DGKI: variants seen among roughly 807,000 people sequenced by gnomAD.
The protein encoded by DGKI is diacylglycerol kinase iota, also known as DAG kinase iota.
Under a neutral mutation model 147.5 loss-of-function variants are expected in DGKI, and 55 were observed. That is an observed-to-expected ratio of 0.37 (90% CI 0.30 to 0.47). The LOEUF is 0.47. Ranked by LOEUF, DGKI falls within the 20% of genes least tolerant of loss-of-function variation. The pLI is 1.00. For missense variants in DGKI, 1,007 were observed against 1,323.8 expected (o/e 0.76, Z 3.71); for synonymous variants, 469 against 477.1 (o/e 0.98, Z 0.22).
At chr7:137,434,697 GAACA>G (rs1299247836) in intron 28 of DGKI, among the ~76,000 whole-genome samples, 1 of 151,552 alleles carries the variant, frequency 6.6e-6, no homozygotes, top group Non-Finnish European at 1.5e-5. Context: ...AGAAAAACCA[GAACA>G]ATCAAAAGGA....
chr7:137,781,965 G>A (rs1796531018), intron 1 of DGKI, among the ~76,000 whole-genome samples: 2 of 152,160 alleles, frequency 1.3e-5, no homozygotes, highest in African/African-American at 4.8e-5. Flanking sequence ...TTAAGATGGT[G>A]GATAGGAGGC....
At chr7:137,585,403 T>C (rs1471008795) in intron 13 of DGKI, 57 bp from the exon 14 acceptor site, 9 of 1,571,634 alleles carry the variant, frequency 5.7e-6, no homozygotes, top group Admixed American at 1.9e-5. Context: ...GTGAAGCCAA[T>C]GCTATTTTAC....
intron 2 of DGKI, among the ~76,000 whole-genome samples, chr7:137,680,326 G>T (rs528146467): frequency 6.6e-6 from 1 of 152,310 alleles, no homozygotes; most frequent in East Asian, 1.9e-4. Flanking sequence ...CTGCCATTTT[G>T]TTATAGCAGC....
intron 27 of DGKI, chr7:137,453,209 T>C (rs1814045717): frequency 6.6e-6 from 1 of 152,220 alleles, no homozygotes; most frequent in Admixed American, 6.5e-5. Context: ...TGTGAAAGCA[T>C]GGCTGCAGAT....
chr7:137,635,593 T>C (rs73461041), intron 6 of DGKI, among the ~76,000 whole-genome samples: 8,315 of 152,258 alleles, frequency 0.055, 705 homozygotes, highest in African/African-American at 0.18. Flanking sequence ...GAAGCGGCCA[T>C]GTGACCATGA....
chr7:137,463,667 C>T lies in DGKI; in HGVS notation c.2613-56G>A, dbSNP rs1007411997. On this transcript the variant is annotated intron_variant, in intron 26 of 32. Transcript: ENST00000614521. ...ACATTCAAAGTCAGCCACGTGACTT[C>T]GTTTCCACTTTCTGAAGATGAATCT... 36 of 1,586,390 alleles carry T rather than the reference C, an allele frequency of 2.3e-5. No homozygotes were observed. The East Asian group carries it at 4.7e-4, about 21-fold the overall frequency.
chr7:137,732,343 G>C (rs969798997), intron 1 of DGKI, among the ~76,000 whole-genome samples: 8 of 152,028 alleles, frequency 5.3e-5, no homozygotes, highest in African/African-American at 1.9e-4. Flanking sequence ...TGCCTGATTT[G>C]CAATGCCTGA....
At position 137,381,434 on chromosome 7, in the gene DGKI, C is replaced by T. The variant is rs1811058531; in HGVS notation, c.*9786G>A. ...AGCTGGCAGCTTTGCAAAAGCATGG[C>T]TCTGGGATGTGATAGGGCAGAATCA... On this transcript the variant is annotated 3_prime_UTR_variant, in exon 33 of 33. Transcript: ENST00000614521. The T allele has an allele frequency of 6.6e-6, 1 of 151,358 alleles. No individual in the cohort carries two copies. Among genetic ancestry groups the T allele is most frequent in the Non-Finnish European group, 1.5e-5 (1 of 67,864 alleles). The allele number at this position is 151,358 out of a possible 1,614,324, so 9.4% of individuals were successfully genotyped here. A position where few individuals can be genotyped will look rare whatever the true frequency, so the allele number is the denominator to read the frequency against.
Position 137,540,164 on chromosome 7 carries a change from A to G in DGKI, c.2147+12205T>C, listed in dbSNP as rs117610387. On this transcript the variant is annotated intron_variant, in intron 20 of 32. Coordinates refer to ENST00000614521, the MANE Select transcript of DGKI (RefSeq NM_001321708.2). ...CATTGGTAAATTCTAACAAACATAT[A>G]AAGAACAAATAATACCCTAATCTTT... 8.1e-4 allele frequency among the ~76,000 whole-genome samples: 123 copies of G among 152,322 alleles called. 3 individuals carry two copies. In the East Asian group the frequency reaches 0.02, roughly 25 times the overall value.
rs1811229479 is a variant in DGKI, at chr7:137,388,019, A to G, written c.*3201T>C. The G allele has an allele frequency of 6.6e-6, 1 of 152,204 alleles. No individual in the cohort carries two copies. Among genetic ancestry groups the G allele is most frequent in the South Asian group, 2.1e-4 (1 of 4,826 alleles). 9.4% of individuals were successfully genotyped at this position (152,204 alleles called of 1,614,324 possible). A position where few individuals can be genotyped will look rare whatever the true frequency, so the allele number is the denominator to read the frequency against. ...TCTGAAAGGATAAGGAGCAACAGGT[A>G]TGTACGGCTCTCCATCAGTCATTAC... On this transcript the variant is annotated 3_prime_UTR_variant, in exon 33 of 33. Transcript: ENST00000614521.
chr7:137,567,264 C>CAA (rs3083517), intron 19 of DGKI, among the ~76,000 whole-genome samples: 1,431 of 124,650 alleles, frequency 0.011, 36 homozygotes, highest in African/African-American at 0.039. Flanking sequence ...AACTCCATCT[C>CAA]AAAAAAAAAA....
Position 137,603,697 on chromosome 7 carries a change from A to G in DGKI, c.1168-3792T>C, listed in dbSNP as rs559654404. Among the ~76,000 whole-genome samples, 12 of 152,320 alleles carry G rather than the reference A, an allele frequency of 7.9e-5. No individual in the cohort carries two copies. In the South Asian group the frequency reaches 2.5e-3, roughly 32 times the overall value. On this transcript the variant is annotated intron_variant, in intron 10 of 32. Transcript: ENST00000614521. ...GAGATTAGAAGGCGTTGTAAGTAAA[A>G]TATCTGAAATGTGTCTTGAAAAATG...
At chr7:137,476,689 C>A (rs1388287876) in intron 23 of DGKI, among the ~76,000 whole-genome samples, 3 of 152,204 alleles carry the variant, frequency 2.0e-5, no homozygotes, top group Non-Finnish European at 4.4e-5. Context: ...GCTGCATAAT[C>A]TAGCTCCTAC....
Position 137,466,030 on chromosome 7 carries a change from A to G in DGKI, c.2490T>C (p.His830=), listed in dbSNP as rs1471130533. The G allele has an allele frequency of 1.9e-6, 3 of 1,613,854 alleles. No homozygotes were observed. The highest frequency in any genetic ancestry group is 1.7e-6 in the Non-Finnish European group (2 of 1,179,798). The change falls in exon 26 of 33, where the codon CAT becomes CAC. Residue 830 remains histidine, a synonymous_variant. Transcript: ENST00000614521. ...RFYRIDRSQE[H]LHFVMEISQD... ...GGGAAATCTCCATCACAAAGTGCAAATGTTCCTAAAGAAGAACAAGAAGTC... is the reference window on the plus strand; with the variant it reads ...GGGAAATCTCCATCACAAAGTGCAAGTGTTCCTAAAGAAGAACAAGAAGTC...
chr7:137,816,377 G>T (rs1797737985), intron 1 of DGKI, among the ~76,000 whole-genome samples: 1 of 152,192 alleles, frequency 6.6e-6, no homozygotes, highest in Non-Finnish European at 1.5e-5. Flanking sequence ...TACCCCCTGA[G>T]GTTGTTTTGG....
chr7:137,773,627 A>G (rs1796277519), intron 1 of DGKI, among the ~76,000 whole-genome samples: 8 of 152,218 alleles, frequency 5.3e-5, no homozygotes, highest in Admixed American at 5.2e-4. Flanking sequence ...ACTCACATCT[A>G]TCTACTACAA....
chr7:137,429,592 A>C (rs1480811717), intron 28 of DGKI, among the ~76,000 whole-genome samples: 1 of 152,068 alleles, frequency 6.6e-6, no homozygotes, highest in African/African-American at 2.4e-5. Context: ...ACAGCAAAAA[A>C]AACTACCATC....
intron 1 of DGKI, among the ~76,000 whole-genome samples, chr7:137,736,667 A>T (rs1443386654): frequency 6.6e-6 from 1 of 152,114 alleles, no homozygotes; most frequent in Non-Finnish European, 1.5e-5. Flanking sequence ...AAAATACTGA[A>T]AGTAACGGGA....
At chr7:137,568,120 G>A (rs1477225691) in intron 19 of DGKI, among the ~76,000 whole-genome samples, 1 of 151,960 alleles carries the variant, frequency 6.6e-6, no homozygotes, top group Admixed American at 6.6e-5. Context: ...TAAAGTAAAT[G>A]CTCCTAGATC....
Sources: gnomAD v4.1 joint callset for allele counts (sites outside exome capture counted in the v4.1 genomes callset) on GRCh38, gnomAD v4.1.1 for gene constraint, MANE v1.5 for transcripts, NCBI Gene and HGNC (gene_info 2026-07-23, HGNC 2026-07-21) for gene names.